Variants in GLI2 observed in about 807,000 individuals in gnomAD.
GLI2 encodes the protein GLI family zinc finger 2, also known as transcription activator GLI2.
GLI2 carries 22 observed loss-of-function variants against 78.9 expected under a neutral mutation model. That is an observed-to-expected ratio of 0.28 (90% confidence interval 0.20 to 0.40). GLI2 has a LOEUF of 0.40. GLI2 is among the 10% of genes least tolerant of loss of function. The pLI, the probability that GLI2 is intolerant of heterozygous loss-of-function variation, is 1.00. For synonymous variants in GLI2, 974 were observed against 963.7 expected (o/e 1.01, Z -0.20); for missense variants, 2,097 against 2,213.2 (o/e 0.95, Z 1.05).
intron 2 of GLI2, among the ~76,000 whole-genome samples, chr2:120,900,887 G>T (rs1444720549): frequency 6.6e-6 from 1 of 152,182 alleles, no homozygotes; most frequent in Non-Finnish European, 1.5e-5. Context: ...CAGAGAATCT[G>T]TCTGGTCACT....
rs557121635 is a variant in GLI2 at position 120,989,130 on chromosome 2, G to T, written c.3165G>T (p.Ala1055=). ...ACGACGTGGTGCAGTACATCAAGGCGCACGCCAGTGGCGCTCTGGACGAGG... is the reference window on the plus strand; with the variant it reads ...ACGACGTGGTGCAGTACATCAAGGCTCACGCCAGTGGCGCTCTGGACGAGG... ...LPDDVVQYIK[A]HASGALDEGT... is the part of the protein sequence containing the mutation. The change falls in exon 14 of 14, where the codon GCG becomes GCT. Residue 1055 remains alanine, a synonymous_variant. Transcript: ENST00000361492. 8.1e-6 allele frequency: 13 copies of T among 1,612,996 alleles called. No homozygotes were observed. Among genetic ancestry groups the T allele is most frequent in the Non-Finnish European group, 1.0e-5 (12 of 1,179,960 alleles).
chr2:120,830,734 G>A (rs1329456971), intron 2 of GLI2, among the ~76,000 whole-genome samples: 1 of 152,172 alleles, frequency 6.6e-6, no homozygotes, highest in East Asian at 1.9e-4. Context: ...GGACCTGTGA[G>A]ACTCCCTGCC....
chr2:120,906,330 G>A (rs534827623), intron 2 of GLI2, among the ~76,000 whole-genome samples: 60 of 152,286 alleles, frequency 3.9e-4, no homozygotes, highest in Non-Finnish European at 7.1e-4. Context: ...GCCCAGGGGT[G>A]CTGGGTGCAG....
chr2:120,810,004 T>C (rs1395285459), intron 2 of GLI2, among the ~76,000 whole-genome samples: 1 of 152,112 alleles, frequency 6.6e-6, no homozygotes, highest in Non-Finnish European at 1.5e-5. Flanking sequence ...CTGTGAGCAT[T>C]TCAGGGTGAC....
rs367813164 is a variant in GLI2 at position 120,990,450 on chromosome 2, C to T, written c.4485C>T (p.Phe1495=). The T allele has an allele frequency of 4.8e-5, 77 of 1,614,006 alleles. No individual in the cohort carries two copies. The highest frequency in any genetic ancestry group is 1.7e-4 in the African/African-American group (13 of 75,008). The change falls in exon 14 of 14, where the codon TTC becomes TTT. Residue 1495 remains phenylalanine, a synonymous_variant. Coordinates refer to ENST00000361492, the MANE Select transcript of GLI2 (RefSeq NM_001374353.1). ...SQLLEAPQID[F]DAIMDDGDHS... ...TCCTGGAGGCCCCCCAGATTGACTT[C>T]GATGCCATCATGGATGATGGCGATC... is the stretch of plus-strand genomic sequence containing the variant.
chr2:120,942,897 C>T (rs972076510), intron 3 of GLI2, among the ~76,000 whole-genome samples: 19 of 151,402 alleles, frequency 1.3e-4, no homozygotes, highest in Admixed American at 3.9e-4. Flanking sequence ...TTCACTCATT[C>T]GTTCACACCC....
rs1400964026 is a variant in GLI2 at position 120,989,004 on chromosome 2, C to T, written c.3039C>T (p.Ser1013=). 3.1e-6 allele frequency: 5 copies of T among 1,597,926 alleles called. No individual in the cohort carries two copies. The African/African-American group carries it at 4.0e-5, about 13-fold the overall frequency. ...ARGAYSPRPP[S]ISENVAMEAV... ...GCGCCTACTCGCCCCGGCCGCCTAG[C>T]ATCAGCGAGAACGTGGCGATGGAGG... The change falls in exon 14 of 14, where the codon AGC becomes AGT. Residue 1013 remains serine, a synonymous_variant. Coordinates refer to ENST00000361492, the MANE Select transcript of GLI2 (RefSeq NM_001374353.1).
At chr2:120,872,372 C>T (rs1287751876) in intron 2 of GLI2, among the ~76,000 whole-genome samples, 1 of 152,204 alleles carries the variant, frequency 6.6e-6, no homozygotes, top group African/African-American at 2.4e-5. Flanking sequence ...GGTGCACTCC[C>T]CAGTGAGGAG....
At chr2:120,923,588 AAC>A (rs757502801) in intron 2 of GLI2, among the ~76,000 whole-genome samples, 2 of 151,924 alleles carry the variant, frequency 1.3e-5, no homozygotes, top group South Asian at 4.2e-4. Flanking sequence ...ATACATATAC[AAC>A]ACACAGCATA....
Position 120,989,939 on chromosome 2 carries a change from G to A in GLI2, c.3974G>A (p.Ser1325Asn), listed in dbSNP as rs1336856462. The A allele has an allele frequency of 6.2e-7, 1 of 1,611,546 alleles. No homozygotes were observed. The highest frequency in any genetic ancestry group is 8.5e-7 in the Non-Finnish European group (1 of 1,179,330). Residue 1325 changes from serine to asparagine, a missense_variant, in exon 14 of 14, where the codon AGC becomes AAC. Ser to Asn is a conservative substitution (Grantham distance 46). Around this residue, in one of 5 missense-constraint regions of GLI2, gnomAD observed 1,290 missense variants for 1,261.7 expected, o/e 1.02. Coordinates refer to ENST00000361492, the MANE Select transcript of GLI2 (RefSeq NM_001374353.1). ...CAGGAGGGCTACCACCAGGTCCCCA[G>A]CCTTCTGCCTGCCCGCCAGCCTGGC... ...MSQEGYHQVP[S>N]LLPARQPGFM...
Position 120,978,496 on chromosome 2 carries a change from C to T in GLI2, c.1380C>T (p.Cys460=), listed in dbSNP as rs2105050832. The change falls in exon 10 of 14, where the codon TGC becomes TGT. Residue 460 remains cysteine (C), a synonymous_variant. Transcript: ENST00000361492. The part of the protein sequence containing the change: ...KKEFVCRWQA[C]TREQKPFKAQ... Reference sequence around the variant, plus strand: ...AGTTTGTGTGCCGCTGGCAGGCCTGCACGCGGGAGCAGAAGCCCTTCAAGG... The same window carrying T: ...AGTTTGTGTGCCGCTGGCAGGCCTGTACGCGGGAGCAGAAGCCCTTCAAGG... 1.2e-6 allele frequency: 2 copies of T among 1,614,154 alleles called. No homozygotes were observed. The highest frequency in any genetic ancestry group is 1.1e-5 in the South Asian group (1 of 91,090).
chr2:120,792,830 T>G (rs1684211373), intron 1 of GLI2, among the ~76,000 whole-genome samples: 1 of 152,110 alleles, frequency 6.6e-6, no homozygotes, highest in Non-Finnish European at 1.5e-5. Flanking sequence ...ATCATGTTGG[T>G]CAAGACGGTC....
At chr2:120,951,009 C>T (rs931838275) in intron 3 of GLI2, among the ~76,000 whole-genome samples, 1 of 152,222 alleles carries the variant, frequency 6.6e-6, no homozygotes, top group Non-Finnish European at 1.5e-5. Flanking sequence ...TGGAACTGGC[C>T]GGCGGGTGCA....
chr2:120,896,665 ACC>A (rs1407158475), intron 2 of GLI2, among the ~76,000 whole-genome samples: 6 of 17,562 alleles, frequency 3.4e-4, no homozygotes, highest in African/African-American at 9.5e-4. Flanking sequence ...ACACACATAC[ACC>A]CACCCCCCCA....
In GLI2 at chr2:120,991,401, ACTC is replaced by A. The variant is rs1340681445; in HGVS notation, c.*729_*731del. 6.6e-6 allele frequency: 1 copy of A among 152,568 alleles called. No individual in the cohort carries two copies. Among genetic ancestry groups the A allele is most frequent in the Non-Finnish European group, 1.5e-5 (1 of 68,086 alleles). 9.5% of individuals were successfully genotyped at this position (152,568 alleles called of 1,614,324 possible). A position where few individuals can be genotyped will look rare whatever the true frequency, so the allele number is the denominator to read the frequency against. ...ACCAGAAAAAGGAAAGAAAAAATGT[ACTC>A]CTTGGGGCAAGCCCAGAAGCTGCCC... On this transcript the variant is annotated 3_prime_UTR_variant, in exon 14 of 14. Coordinates refer to ENST00000361492, the MANE Select transcript of GLI2 (RefSeq NM_001374353.1).
intron 13 of GLI2, among the ~76,000 whole-genome samples, chr2:120,987,394 T>C (rs1185918474): frequency 6.6e-6 from 1 of 152,134 alleles, no homozygotes; most frequent in Non-Finnish European, 1.5e-5. Context: ...CCACCCAAGG[T>C]CACCCCTTCC....
At chr2:120,806,575 C>T (rs1326025010) in intron 2 of GLI2, among the ~76,000 whole-genome samples, 2 of 152,070 alleles carry the variant, frequency 1.3e-5, no homozygotes, top group Non-Finnish European at 1.5e-5. Context: ...GAGGACTGGG[C>T]GCCATCAGCT....
At chr2:120,842,337 T>C (rs757949163) in intron 2 of GLI2, among the ~76,000 whole-genome samples, 26 of 152,250 alleles carry the variant, frequency 1.7e-4, no homozygotes, top group Non-Finnish European at 3.7e-4. Context: ...TGTTTTTTAA[T>C]GCAATTGTCA....
intron 2 of GLI2, among the ~76,000 whole-genome samples, chr2:120,871,741 G>T (rs922075794): frequency 1.3e-5 from 2 of 152,222 alleles, no homozygotes; most frequent in African/African-American, 4.8e-5. Context: ...TGGGGTAGCA[G>T]CTACTTGCAG....
Sources: allele counts gnomAD v4.1 joint callset (sites outside exome capture counted in the v4.1 genomes callset), GRCh38; gene constraint gnomAD v4.1.1; regional missense constraint gnomAD v4.1.1; transcripts MANE v1.5; gene names NCBI Gene and HGNC (gene_info 2026-07-23, HGNC 2026-07-21).